Variants in CYP2U1 observed in about 807,000 individuals in gnomAD.
CYP2U1 encodes the protein cytochrome P450 family 2 subfamily U member 1.
CYP2U1 carries 28 observed loss-of-function variants against 42.8 expected under a neutral mutation model. The ratio of observed to expected loss-of-function variants is 0.65; its 90% CI spans 0.48 to 0.90. The LOEUF (loss-of-function observed/expected upper bound fraction) is 0.90, where lower values mean the gene tolerates loss of function less well. Among genes scored for constraint, CYP2U1 ranks in the 40% least tolerant of loss-of-function variants. The pLI is 0.00. For missense variants in CYP2U1, 642 were observed against 693.8 expected (o/e 0.93, Z 0.84); for synonymous variants, 296 against 278.9 (o/e 1.06, Z -0.61).
Position 107,931,921 on chromosome 4 carries a change from C to A in CYP2U1, c.278C>A (p.Ala93Asp), listed in dbSNP as rs1354418085. The stretch of plus-strand genomic sequence containing the variant: ...AGCTGGCTGAGCAGCAGGACCAGGG[C>A]CGCAGGGATTGATCCCTCGGTCATA... ...RRSWLSSRTR[A>D]AGIDPSVIGP... Residue 93 changes from alanine to aspartate, a missense_variant, in exon 1 of 5, where the codon GCC (alanine) becomes GAC (aspartate). Ala to Asp is a moderately radical substitution (Grantham distance 126, BLOSUM62 -2). Coordinates refer to ENST00000332884, the MANE Select transcript of CYP2U1 (RefSeq NM_183075.3). 1.3e-6 allele frequency: 2 copies of A among 1,550,982 alleles called. No homozygotes were observed. The highest frequency in any genetic ancestry group is 1.7e-6 in the Non-Finnish European group (2 of 1,146,974).
Position 107,951,191 on chromosome 4 carries a change from A to T in CYP2U1, c.*768A>T, listed in dbSNP as rs1442335387. On this transcript the variant is annotated 3_prime_UTR_variant, in exon 5 of 5. Transcript: ENST00000332884. ...TAACTTCTACTACAACTACAGGAAC[A>T]GTGAGCCTTGCTACTTCTTTAGTAG... 3 of 152,244 alleles carry T rather than the reference A, an allele frequency of 2.0e-5. No homozygotes were observed. The highest frequency in any genetic ancestry group is 2.9e-5 in the Non-Finnish European group (2 of 68,040). The allele number at this position is 152,244 out of a possible 1,614,324, so 9.4% of individuals were successfully genotyped here. A position where few individuals can be genotyped will look rare whatever the true frequency, so the allele number is the denominator to read the frequency against.
At position 107,945,409 on chromosome 4, in the gene CYP2U1, T is replaced by C. The variant is rs373081734; in HGVS notation, c.930T>C (p.Asp310=). 4.7e-5 allele frequency: 76 copies of C among 1,613,930 alleles called. No individual in the cohort carries two copies. The highest frequency in any genetic ancestry group is 6.4e-5 in the Non-Finnish European group (75 of 1,180,008). ...KIIKDHQESL[D]RENPQDFIDM... Reference sequence around the variant, plus strand: ...TCAAAGACCATCAAGAGTCTCTGGATAGAGAGAACCCTCAGGACTTCATAG... The same window carrying C: ...TCAAAGACCATCAAGAGTCTCTGGACAGAGAGAACCCTCAGGACTTCATAG... The change falls in exon 2 of 5, where the codon GAT becomes GAC. Residue 310 remains aspartate (D), a synonymous_variant. Coordinates refer to ENST00000332884, the MANE Select transcript of CYP2U1 (RefSeq NM_183075.3).
Position 107,953,429 on chromosome 4 carries a change from G to A in CYP2U1, c.*3006G>A, listed in dbSNP as rs186733221. The stretch of plus-strand genomic sequence containing the variant: ...ATTTTTGATTCTCATCGTTAGCACA[G>A]TTTTGTTGCTTTTATTAAACTATTT... On this transcript the variant is annotated 3_prime_UTR_variant, in exon 5 of 5. Coordinates refer to ENST00000332884, the MANE Select transcript of CYP2U1 (RefSeq NM_183075.3). 5.8e-4 allele frequency: 88 copies of A among 152,250 alleles called. No homozygotes were observed. Among genetic ancestry groups the A allele is most frequent in the African/African-American group, 2.1e-3 (86 of 41,550 alleles). 9.4% of individuals were successfully genotyped at this position (152,250 alleles called of 1,614,324 possible).
chr4:107,944,734 A>T (rs1245431791), intron 1 of CYP2U1, among the ~76,000 whole-genome samples: 1 of 149,756 alleles, frequency 6.7e-6, no homozygotes, highest in Non-Finnish European at 1.5e-5. Flanking sequence ...TAAGCTTTAG[A>T]GCAAATTCTC....
rs757661797 is a variant in CYP2U1, at chr4:107,950,559, G to GAGC, written c.*138_*140dup. On this transcript the variant is annotated 3_prime_UTR_variant, in exon 5 of 5. Coordinates refer to ENST00000332884, the MANE Select transcript of CYP2U1 (RefSeq NM_183075.3). ...GGGCTCAGAGGTCGGAAGGAGGGTA[G>GAGC]AGCACACTGGGAGGTTTCATCTTGG... 38 of 850,510 alleles carry GAGC rather than the reference G, an allele frequency of 4.5e-5. No individual in the cohort carries two copies. Among genetic ancestry groups the GAGC allele is most frequent in the Non-Finnish European group, 6.2e-5 (36 of 584,804 alleles). 52.7% of individuals were successfully genotyped at this position (850,510 alleles called of 1,614,324 possible). A position where few individuals can be genotyped will look rare whatever the true frequency, so the allele number is the denominator to read the frequency against.
rs527639707 is a variant in CYP2U1 at position 107,931,584 on chromosome 4, A to G, written c.-60A>G. 1.4e-5 allele frequency: 17 copies of G among 1,223,390 alleles called. No individual in the cohort carries two copies. The South Asian group carries it at 5.9e-4, about 43-fold the overall frequency. 75.8% of individuals were successfully genotyped at this position (1,223,390 alleles called of 1,614,324 possible). On this transcript the variant is annotated 5_prime_UTR_variant, in exon 1 of 5. Coordinates refer to ENST00000332884, the MANE Select transcript of CYP2U1 (RefSeq NM_183075.3). ...AGGACACTGGCGCCGCGGGTCAGGC[A>G]GCTGCGTGCGCGTCTCCTCCAGGCA...
chr4:107,940,418 GAACGTATGTA>G, intron 1 of CYP2U1: 1 of 152,136 alleles, frequency 6.6e-6, no homozygotes. Flanking sequence ...AACAGCCATA[GAACGTATGTA>G]AACAAATTAG....
Position 107,951,437 on chromosome 4 carries a change from A to G in CYP2U1, c.*1014A>G, listed in dbSNP as rs1733901599. 6.6e-6 allele frequency: 1 copy of G among 152,222 alleles called. No individual in the cohort carries two copies. The highest frequency in any genetic ancestry group is 1.5e-5 in the Non-Finnish European group (1 of 68,040). The allele number at this position is 152,222 out of a possible 1,614,324, so 9.4% of individuals were successfully genotyped here. A position where few individuals can be genotyped will look rare whatever the true frequency, so the allele number is the denominator to read the frequency against. ...CTCTCAAAGAATTCACTCTCTTTTT[A>G]TTAAGAGAACTAAATTGTTTCTAAA... On this transcript the variant is annotated 3_prime_UTR_variant, in exon 5 of 5. Coordinates refer to ENST00000332884, the MANE Select transcript of CYP2U1 (RefSeq NM_183075.3).
intron 1 of CYP2U1, chr4:107,937,223 G>A (rs1326087178): frequency 6.6e-6 from 1 of 152,176 alleles, no homozygotes; most frequent in East Asian, 1.9e-4. Flanking sequence ...ATGAAATTAG[G>A]AAATGAAGAT....
intron 1 of CYP2U1, among the ~76,000 whole-genome samples, chr4:107,944,343 C>T (rs1265483633): frequency 6.6e-6 from 1 of 152,020 alleles, no homozygotes; most frequent in Admixed American, 6.5e-5. Flanking sequence ...TGCTCTGTCA[C>T]CCAGGCTGGA....
In CYP2U1 at chr4:107,931,562, A is replaced by G; in HGVS notation, c.-82A>G. The G allele has an allele frequency of 2.5e-6, 3 of 1,198,682 alleles. No individual in the cohort carries two copies. Among genetic ancestry groups the G allele is most frequent in the Non-Finnish European group, 3.1e-6 (3 of 963,592 alleles). 74.3% of individuals were successfully genotyped at this position (1,198,682 alleles called of 1,614,324 possible). A position where few individuals can be genotyped will look rare whatever the true frequency, so the allele number is the denominator to read the frequency against. ...CCCCGACCTTCCAGAGCAGAGCAGG[A>G]CACTGGCGCCGCGGGTCAGGCAGCT... On this transcript the variant is annotated 5_prime_UTR_variant, in exon 1 of 5. Coordinates refer to ENST00000332884, the MANE Select transcript of CYP2U1 (RefSeq NM_183075.3).
chr4:107,938,501 C>T (rs1178731970), intron 1 of CYP2U1: 1 of 152,074 alleles, frequency 6.6e-6, no homozygotes, highest in Non-Finnish European at 1.5e-5. Flanking sequence ...CAGGATAGCT[C>T]ATTTTTCATT....
intron 1 of CYP2U1, among the ~76,000 whole-genome samples, chr4:107,932,717 C>T (rs945981043): frequency 6.6e-6 from 1 of 152,152 alleles, no homozygotes; most frequent in Non-Finnish European, 1.5e-5. Context: ...ATAAAATGTC[C>T]AATCTAACCT....
Position 107,941,164 on chromosome 4 carries a change from C to T in CYP2U1, c.491-3806C>T, listed in dbSNP as rs984040967. On this transcript the variant is annotated intron_variant, in intron 1 of 4. Transcript: ENST00000332884. ...ATCCACTTTTAAAAAATTTAAAAAA[C>T]AGGAAGATAGAATTCTAAGCTTGAA... The T allele has an allele frequency of 9.2e-5, 14 of 151,988 alleles. 1 individual carries two copies. Among genetic ancestry groups the T allele is most frequent in the Admixed American group, 4.6e-4 (7 of 15,290 alleles). 9.4% of individuals were successfully genotyped at this position (151,988 alleles called of 1,614,324 possible).
At position 107,945,127 on chromosome 4, in the gene CYP2U1, C is replaced by CTT; in HGVS notation, c.648_649insTT (p.Pro217PhefsTer44). ...CAGAAATGCAAAAGCACGGAGAAGA[C>CTT]CCCTTCTGCCCTTTCTCCATCATCA... On this transcript the variant is annotated frameshift_variant, in exon 2 of 5. Coordinates refer to ENST00000332884, the MANE Select transcript of CYP2U1 (RefSeq NM_183075.3). LOFTEE classifies it high-confidence loss of function. 1.2e-6 allele frequency: 2 copies of CTT among 1,613,936 alleles called. No individual in the cohort carries two copies. Among genetic ancestry groups the CTT allele is most frequent in the Non-Finnish European group, 1.7e-6 (2 of 1,180,002 alleles).
In CYP2U1 at chr4:107,952,455, G is replaced by A. The variant is rs1328292123; in HGVS notation, c.*2032G>A. ...CAGCTACGCTGTTCATACTGATAGAGAAGAGGGCAAGAAAAGATCCAGAGT... is the reference window on the plus strand; with the variant it reads ...CAGCTACGCTGTTCATACTGATAGAAAAGAGGGCAAGAAAAGATCCAGAGT... On this transcript the variant is annotated 3_prime_UTR_variant, in exon 5 of 5. Coordinates refer to ENST00000332884, the MANE Select transcript of CYP2U1 (RefSeq NM_183075.3). The A allele has an allele frequency of 1.3e-5, 2 of 152,270 alleles. No individual in the cohort carries two copies. Among genetic ancestry groups the A allele is most frequent in the Non-Finnish European group, 2.9e-5 (2 of 68,058 alleles). 9.4% of individuals were successfully genotyped at this position (152,270 alleles called of 1,614,324 possible).
chr4:107,949,287 GTTC>G, intron 3 of CYP2U1, 60 bp from the exon 4 acceptor site: 1 of 1,354,492 alleles, frequency 7.4e-7, no homozygotes, highest in Non-Finnish European at 9.7e-7. Context: ...AGATAATGAT[GTTC>G]AGGGAGAACT....
Position 107,950,673 on chromosome 4 carries a change from A to G in CYP2U1, c.*250A>G, listed in dbSNP as rs1322355531. ...AAACAAAGTACCTATGAAACGGGAT[A>G]TCTGGATTTTACTTGCAGTGGCTTC... is the stretch of plus-strand genomic sequence containing the variant. On this transcript the variant is annotated 3_prime_UTR_variant, in exon 5 of 5. Coordinates refer to ENST00000332884, the MANE Select transcript of CYP2U1 (RefSeq NM_183075.3). 4 of 347,918 alleles carry G rather than the reference A, an allele frequency of 1.1e-5. No homozygotes were observed. The highest frequency in any genetic ancestry group is 8.4e-5 in the African/African-American group (4 of 47,904). The allele number at this position is 347,918 out of a possible 1,614,324, so 21.6% of individuals were successfully genotyped here.
At chr4:107,945,811 C>T (rs755883502) in intron 2 of CYP2U1, among the ~76,000 whole-genome samples, 10 of 152,178 alleles carry the variant, frequency 6.6e-5, no homozygotes, top group Non-Finnish European at 1.5e-4. Context: ...CTTGCTTACC[C>T]CTGCTTAAAT....
Sources: allele counts gnomAD v4.1 joint callset (sites outside exome capture counted in the v4.1 genomes callset), GRCh38; gene constraint gnomAD v4.1.1; transcripts MANE v1.5; gene names NCBI Gene and HGNC (gene_info 2026-07-23, HGNC 2026-07-21).